Variants in UBR3 observed in about 807,000 individuals in gnomAD.
The protein encoded by UBR3 is E3 ubiquitin-protein ligase UBR3.
Under a neutral mutation model 243.2 loss-of-function variants are expected in UBR3, and 85 were observed. That is an observed-to-expected ratio of 0.35 (90% CI 0.29 to 0.42). The LOEUF (loss-of-function observed/expected upper bound fraction) is 0.42. Ranked by LOEUF, UBR3 falls within the 10% of genes least tolerant of loss-of-function variation. The pLI, the probability that UBR3 is intolerant of heterozygous loss-of-function variation, is 1.00. For missense variants in UBR3, 1,686 were observed against 2,300.8 expected, an observed-to-expected ratio of 0.73 and a Z score of 5.47; for synonymous variants, 748 against 799.8, an observed-to-expected ratio of 0.94 and a Z score of 1.09.
At chr2:169,901,658 G>T (rs959907811) in intron 8 of UBR3, among the ~76,000 whole-genome samples, 7 of 152,144 alleles carry the variant, frequency 4.6e-5, no homozygotes, top group African/African-American at 1.4e-4. Context: ...TACAGGAGCT[G>T]ATACAATGAG....
At chr2:170,078,996 C>T (rs2091861433) in intron 36 of UBR3, among the ~76,000 whole-genome samples, 1 of 152,104 alleles carries the variant, frequency 6.6e-6, no homozygotes, top group South Asian at 2.1e-4. Context: ...CTTAGTTACT[C>T]CACTGATTTA....
rs955305379 is a variant in UBR3, at chr2:169,927,112, A to G, written c.2338+141A>G. 6 of 1,144,418 alleles carry G rather than the reference A, an allele frequency of 5.2e-6. No individual in the cohort carries two copies. In the African/African-American group the frequency reaches 7.8e-5, roughly 15 times the overall value. 70.9% of individuals were successfully genotyped at this position (1,144,418 alleles called of 1,614,324 possible). ...ATGTTTCAAACTCTTGATATGTTGT[A>G]CTGTAGGTATACCTTTTAGAATATC... On this transcript the variant is annotated intron_variant, in intron 16 of 38. Coordinates refer to ENST00000272793, the MANE Select transcript of UBR3 (RefSeq NM_172070.4).
chr2:169,904,585 T>G (rs1346131846), intron 8 of UBR3, among the ~76,000 whole-genome samples: 1 of 152,202 alleles, frequency 6.6e-6, no homozygotes, highest in African/African-American at 2.4e-5. Context: ...TGTTTCTTTT[T>G]TTTAAATGTG....
intron 1 of UBR3, among the ~76,000 whole-genome samples, chr2:169,855,442 A>C (rs1342969558): frequency 1.3e-5 from 2 of 152,104 alleles, no homozygotes; most frequent in Non-Finnish European, 2.9e-5. Flanking sequence ...AGGGAAGGTC[A>C]GGAGATAAAC....
intron 1 of UBR3, among the ~76,000 whole-genome samples, chr2:169,854,020 G>A (rs542240835): frequency 6.6e-6 from 1 of 152,088 alleles, no homozygotes; most frequent in Admixed American, 6.5e-5. Flanking sequence ...GGGGTCTGTT[G>A]GGGTTGGGGG....
At chr2:169,883,688 C>G (rs1032238267) in intron 5 of UBR3, among the ~76,000 whole-genome samples, 5 of 152,156 alleles carry the variant, frequency 3.3e-5, no homozygotes, top group African/African-American at 1.2e-4. Flanking sequence ...GTGGCACTAT[C>G]TCTTGGGAAA....
chr2:169,867,348 A>G (rs1031305008), intron 1 of UBR3, among the ~76,000 whole-genome samples: 10 of 152,206 alleles, frequency 6.6e-5, no homozygotes, highest in African/African-American at 2.4e-4. Context: ...ATATAATTAT[A>G]CTTCAGTGCT....
intron 35 of UBR3, among the ~76,000 whole-genome samples, chr2:170,064,466 T>G (rs1334915740): frequency 1.3e-5 from 2 of 152,052 alleles, no homozygotes; most frequent in Non-Finnish European, 2.9e-5. Context: ...ATTTTGTATT[T>G]TCTTCTATTA....
In UBR3 at chr2:169,844,063, A is replaced by G. The variant is rs574215099; in HGVS notation, c.545+16011A>G. On this transcript the variant is annotated intron_variant, in intron 1 of 38. Transcript: ENST00000272793. ...CTCTTTTTGCCCAGGCTGGAGTGCA[A>G]TGGCGCGACCTCGGCTCATTGCAAC... Among the ~76,000 whole-genome samples, 117 of 147,308 alleles carry G rather than the reference A, an allele frequency of 7.9e-4. 1 individual carries two copies. In the Middle Eastern group the frequency reaches 0.017, roughly 22 times the overall value.
At chr2:169,895,544 G>C (rs1340456534) in intron 7 of UBR3, among the ~76,000 whole-genome samples, 1 of 152,158 alleles carries the variant, frequency 6.6e-6, no homozygotes, top group Non-Finnish European at 1.5e-5. Context: ...CATGGAACTT[G>C]GTCTGGAGGG....
intron 26 of UBR3, among the ~76,000 whole-genome samples, chr2:169,998,379 G>A (rs952995420): frequency 5.3e-5 from 8 of 152,030 alleles, no homozygotes; most frequent in Non-Finnish European, 1.2e-4. Context: ...AATCTGAGTT[G>A]GATTATACTC....
chr2:169,851,178 G>A (rs113573929), intron 1 of UBR3, among the ~76,000 whole-genome samples: 2 of 152,084 alleles, frequency 1.3e-5, no homozygotes, highest in African/African-American at 4.8e-5. Flanking sequence ...AGGCTACAGT[G>A]CAGTGGCACG....
chr2:170,058,273 ACG>A (rs1188082640), intron 33 of UBR3, among the ~76,000 whole-genome samples: 1 of 151,998 alleles, frequency 6.6e-6, no homozygotes, highest in Non-Finnish European at 1.5e-5. Flanking sequence ...TGTAATGAAA[ACG>A]TATTTTTGCC....
rs1375102563 is a variant in UBR3 at position 170,082,743 on chromosome 2, G to C, written c.*900G>C. On this transcript the variant is annotated 3_prime_UTR_variant, in exon 39 of 39. Transcript: ENST00000272793. Reference sequence around the variant, plus strand: ...TATTAGAAATGCTCAGACTTCCCCAGAAATGAACCATAAATTTTGGAACTT... The same window carrying C: ...TATTAGAAATGCTCAGACTTCCCCACAAATGAACCATAAATTTTGGAACTT... 1 of 152,240 alleles carries C rather than the reference G, an allele frequency of 6.6e-6. No homozygotes were observed. The highest frequency in any genetic ancestry group is 2.4e-5 in the African/African-American group (1 of 41,418). The allele number at this position is 152,240 out of a possible 1,614,324, so 9.4% of individuals were successfully genotyped here. A position where few individuals can be genotyped will look rare whatever the true frequency, so the allele number is the denominator to read the frequency against.
chr2:169,827,701 TGGCCGCGGCTGCC>T lies in UBR3; in HGVS notation c.198_210del (p.Ala68ArgfsTer106). On this transcript the variant is annotated frameshift_variant, in exon 1 of 39. Transcript: ENST00000272793. LOFTEE classifies it high-confidence loss of function. ...CGGGTGCTGAGCGCCGAGCGGCCGC[TGGCCGCGGCTGCC>T]GGCGGCGAGGACGCGGCGGCGGCCG... 1 of 1,215,976 alleles carries T rather than the reference TGGCCGCGGCTGCC, an allele frequency of 8.2e-7. No homozygotes were observed. Among genetic ancestry groups the T allele is most frequent in the Non-Finnish European group, 1.0e-6 (1 of 981,254 alleles). The allele number at this position is 1,215,976 out of a possible 1,614,324, so 75.3% of individuals were successfully genotyped here.
At chr2:170,030,545 CTAA>C (rs1291399792) in intron 31 of UBR3, among the ~76,000 whole-genome samples, 3 of 151,886 alleles carry the variant, frequency 2.0e-5, no homozygotes, top group African/African-American at 7.3e-5. Flanking sequence ...GTCTTGATTC[CTAA>C]TAATATTAAC....
chr2:169,920,217 C>CA (rs1473418558), intron 11 of UBR3, among the ~76,000 whole-genome samples: 8 of 152,036 alleles, frequency 5.3e-5, no homozygotes, highest in Non-Finnish European at 1.2e-4. Flanking sequence ...ATTGCAAGGA[C>CA]AAAAAACCAA....
intron 10 of UBR3, among the ~76,000 whole-genome samples, chr2:169,911,799 C>T (rs1463941263): frequency 6.6e-6 from 1 of 152,062 alleles, no homozygotes; most frequent in Non-Finnish European, 1.5e-5. Flanking sequence ...GAGTTACCTG[C>T]TACTTTAGTT....
chr2:169,917,637 A>G (rs939576091), intron 11 of UBR3, among the ~76,000 whole-genome samples: 2 of 152,232 alleles, frequency 1.3e-5, no homozygotes, highest in Admixed American at 6.5e-5. Flanking sequence ...AAAAATTTAA[A>G]TGGATTCTTA....
Sources: gnomAD v4.1 joint callset for allele counts (sites outside exome capture counted in the v4.1 genomes callset) on GRCh38, gnomAD v4.1.1 for gene constraint, MANE v1.5 for transcripts, NCBI Gene and HGNC (gene_info 2026-07-23, HGNC 2026-07-21) for gene names.